Variants in GNAL observed in about 807,000 individuals in gnomAD.
GNAL encodes guanine nucleotide-binding protein G(olf) subunit alpha.
GNAL carries 18 observed loss-of-function variants against 55.1 expected under a neutral mutation model. That is an observed-to-expected ratio of 0.33 (90% CI 0.23 to 0.48). The LOEUF is 0.48. GNAL is among the 20% of genes least tolerant of loss of function. GNAL has a pLI of 0.99. For missense variants in GNAL, 412 were observed against 614.1 expected, an observed-to-expected ratio of 0.67 and a Z score of 3.48; for synonymous variants, 253 against 237.0, an observed-to-expected ratio of 1.07 and a Z score of -0.62.
At chr18:11,855,799 C>A (rs1163989270) in intron 5 of GNAL, among the ~76,000 whole-genome samples, 1 of 152,034 alleles carries the variant, frequency 6.6e-6, no homozygotes, top group African/African-American at 2.4e-5. Context: ...ATGAAGAAAC[C>A]CCGTCTCTAC....
chr18:11,745,158 G>C (rs1012517635), intron 1 of GNAL, among the ~76,000 whole-genome samples: 1 of 152,140 alleles, frequency 6.6e-6, no homozygotes, highest in African/African-American at 2.4e-5. Context: ...ACCGTCTTGT[G>C]CTATACATAC....
intron 4 of GNAL, among the ~76,000 whole-genome samples, chr18:11,782,534 T>C (rs2033949492): frequency 6.6e-6 from 1 of 152,160 alleles, no homozygotes; most frequent in Non-Finnish European, 1.5e-5. Flanking sequence ...GACAGAATGA[T>C]AGTCGTAACA....
chr18:11,850,455 T>C (rs1165063496), intron 5 of GNAL, among the ~76,000 whole-genome samples: 3 of 152,194 alleles, frequency 2.0e-5, no homozygotes, highest in Admixed American at 2.0e-4. Context: ...TCTTCTCACA[T>C]TGTTATTGCT....
Position 11,868,507 on chromosome 18 carries a change from TCTAA to T in GNAL, c.911-33_911-30del, listed in dbSNP as rs1158070697. 6.3e-7 allele frequency: 1 copy of T among 1,583,948 alleles called. No individual in the cohort carries two copies. Among genetic ancestry groups the T allele is most frequent in the South Asian group, 1.1e-5 (1 of 87,996 alleles). ...TTCTTGTAACTCCACAGTGAGGATG[TCTAA>T]CTGAGGTGCTTTCCTTTTTCTCCCC... On this transcript the variant is annotated intron_variant, in intron 8 of 11. Transcript: ENST00000334049. The surrounding 1 kb of genome is among the most constrained non-coding windows in gnomAD (Gnocchi z 4.0).
Position 11,823,671 on chromosome 18 carries a change from A to G in GNAL, c.625-1247A>G, listed in dbSNP as rs188885930. Among the ~76,000 whole-genome samples the G allele has an allele frequency of 3.9e-3, 601 of 152,268 alleles. 3 individuals are homozygous for G. Among genetic ancestry groups the G allele is most frequent in the Non-Finnish European group, 7.0e-3 (475 of 68,016 alleles). On this transcript the variant is annotated intron_variant, in intron 4 of 11. Transcript: ENST00000334049. ...AGTGCCAGTCCTTCTTTTTTTCTCCAAAGAATCTGTGTTGATTCCTAGAAA... is the reference window on the plus strand; with the variant it reads ...AGTGCCAGTCCTTCTTTTTTTCTCCGAAGAATCTGTGTTGATTCCTAGAAA...
chr18:11,747,378 C>A (rs759092558), intron 1 of GNAL: 3 of 177,208 alleles, frequency 1.7e-5, no homozygotes, highest in Non-Finnish European at 3.5e-5. Flanking sequence ...GTTGAAGACG[C>A]AATGACAGCA....
intron 5 of GNAL, among the ~76,000 whole-genome samples, chr18:11,841,992 G>A (rs1210444789): frequency 1.3e-5 from 2 of 149,356 alleles, no homozygotes; most frequent in Non-Finnish European, 3.0e-5. Flanking sequence ...TTTTTTTTGA[G>A]ACGGAGTTTC....
At chr18:11,728,875 A>G (rs2032273342) in intron 1 of GNAL, among the ~76,000 whole-genome samples, 1 of 152,174 alleles carries the variant, frequency 6.6e-6, no homozygotes, top group South Asian at 2.1e-4. Flanking sequence ...TTGAAAACAA[A>G]TTGTTTCCTT....
intron 5 of GNAL, among the ~76,000 whole-genome samples, chr18:11,838,029 G>A (rs1337697939): frequency 1.3e-5 from 2 of 152,102 alleles, no homozygotes; most frequent in Non-Finnish European, 2.9e-5. Flanking sequence ...TACTTGGGGG[G>A]CCGAGGCGGG....
At chr18:11,834,160 T>C (rs950083169) in intron 5 of GNAL, among the ~76,000 whole-genome samples, 5 of 152,204 alleles carry the variant, frequency 3.3e-5, no homozygotes, top group African/African-American at 1.2e-4. Flanking sequence ...AACATTTACT[T>C]ATTATAAACA....
intron 1 of GNAL, among the ~76,000 whole-genome samples, chr18:11,747,798 G>A (rs2032723729): frequency 6.6e-6 from 1 of 152,118 alleles, no homozygotes; most frequent in African/African-American, 2.4e-5. Flanking sequence ...TTACTTTTGT[G>A]CCTTTCAAAT....
At chr18:11,694,111 C>T (rs2143288334) in intron 1 of GNAL, among the ~76,000 whole-genome samples, 1 of 152,188 alleles carries the variant, frequency 6.6e-6, no homozygotes. Flanking sequence ...TCTTGGCCCA[C>T]AGTGCTGGGA....
At chr18:11,773,499 C>T (rs1404197066) in intron 4 of GNAL, among the ~76,000 whole-genome samples, 1 of 152,186 alleles carries the variant, frequency 6.6e-6, no homozygotes, top group African/African-American at 2.4e-5. Context: ...GATGCAGTGG[C>T]TCATCCCTTT....
chr18:11,869,334 C>T (rs554646678), intron 9 of GNAL, among the ~76,000 whole-genome samples: 4 of 151,778 alleles, frequency 2.6e-5, no homozygotes, highest in East Asian at 2.0e-4. Flanking sequence ...TAGTAGAGAC[C>T]GGGTTTCACC....
At chr18:11,730,160 C>CTTTTT (rs1240028582) in intron 1 of GNAL, among the ~76,000 whole-genome samples, 1 of 138,794 alleles carries the variant, frequency 7.2e-6, no homozygotes. Context: ...CAGCCTCCCA[C>CTTTTT]TTTTTTTTTT....
chr18:11,792,164 G>C (rs1403466346), intron 4 of GNAL, among the ~76,000 whole-genome samples: 2 of 151,750 alleles, frequency 1.3e-5, no homozygotes, highest in Admixed American at 1.3e-4. Flanking sequence ...GCCTTGTATT[G>C]TTTCCTTCCT....
chr18:11,865,721 C>T (rs1356047310), intron 7 of GNAL, among the ~76,000 whole-genome samples: 1 of 143,552 alleles, frequency 7.0e-6, no homozygotes, highest in Non-Finnish European at 1.5e-5. Flanking sequence ...GGCCATTTCA[C>T]TCCAGCCTGG....
At chr18:11,858,229 A>G (rs1043885062) in intron 5 of GNAL, among the ~76,000 whole-genome samples, 1 of 152,126 alleles carries the variant, frequency 6.6e-6, no homozygotes. Context: ...TTCTGCAAAC[A>G]TGAGTGTCCT....
chr18:11,793,911 G>GAAAAAA (rs76942749), intron 4 of GNAL, among the ~76,000 whole-genome samples: 1 of 106,400 alleles, frequency 9.4e-6, no homozygotes, highest in African/African-American at 3.2e-5. Flanking sequence ...TCCATCTCGG[G>GAAAAAA]AAAAAAAAAA....
Sources: allele counts gnomAD v4.1 joint callset (sites outside exome capture counted in the v4.1 genomes callset), GRCh38; gene constraint gnomAD v4.1.1; non-coding constraint Gnocchi (gnomAD v3.1); transcripts MANE v1.5; gene names NCBI Gene and HGNC (gene_info 2026-07-23, HGNC 2026-07-21).